Variants in PCDHGA1 observed in about 807,000 individuals in gnomAD.
The protein encoded by PCDHGA1 is protocadherin gamma subfamily A, 1.
In PCDHGA1, 32 loss-of-function variants were observed where a neutral mutation model predicts 58.0. The ratio of observed to expected loss-of-function variants is 0.55; its 90% CI spans 0.42 to 0.74. PCDHGA1 has a LOEUF of 0.74. PCDHGA1 is among the 30% of genes least tolerant of loss of function. The pLI is 0.00. For synonymous variants in PCDHGA1, 498 were observed against 501.1 expected, an observed-to-expected ratio of 0.99 and a Z score of 0.08; for missense variants, 1,205 against 1,182.3, an observed-to-expected ratio of 1.02 and a Z score of -0.28.
intron 1 of PCDHGA1, chr5:141,478,676 G>A (rs540780497): frequency 6.4e-7 from 1 of 1,551,522 alleles, no homozygotes; most frequent in African/African-American, 1.4e-5. Flanking sequence ...CTTTCAACTG[G>A]CCCTTCCTAG....
chr5:141,454,796 ATTTTTTTTTTTTTTTTTT>A (rs61612330), intron 1 of PCDHGA1, among the ~76,000 whole-genome samples: 1 of 77,408 alleles, frequency 1.3e-5, no homozygotes, highest in Non-Finnish European at 2.3e-5. Flanking sequence ...CATGGTTCTA[ATTTTTTTTTTTTTTTTTT>A]TTTTTTTTTT....
Position 141,420,249 on chromosome 5 carries a change from A to C in PCDHGA1, c.2422-74558A>C. 4 of 1,580,072 alleles carry C rather than the reference A, an allele frequency of 2.5e-6. No homozygotes were observed. In the Admixed American group the frequency reaches 7.3e-5, roughly 29 times the overall value. On this transcript the variant is annotated intron_variant, in intron 1 of 3. Transcript: ENST00000517417. The stretch of plus-strand genomic sequence containing the variant: ...GCTAGCATTTTAACTCCCAGCGTTG[A>C]AGCAGATAAGAAGATTCTTAAACAG...
In PCDHGA1 at chr5:141,361,046, A is replaced by T. The variant is rs779477758; in HGVS notation, c.2421+27941A>T. ...GAAAAAACAGGAGAAATCACGACAA[A>T]GGATGATTTGGATTTTGAGATTGCA... On this transcript the variant is annotated intron_variant, in intron 1 of 3. Transcript: ENST00000517417. The T allele has an allele frequency of 7.4e-6, 12 of 1,613,592 alleles. No individual in the cohort carries two copies. The highest frequency in any genetic ancestry group is 9.3e-6 in the Non-Finnish European group (11 of 1,179,716).
Position 141,511,345 on chromosome 5 carries a change from TC to T in PCDHGA1, c.*179del, listed in dbSNP as rs535135679. On this transcript the variant is annotated 3_prime_UTR_variant, in exon 4 of 4. Coordinates refer to ENST00000517417, the MANE Select transcript of PCDHGA1 (RefSeq NM_018912.3). ...AAGTGCCCAGTCAGCACCTACCCCTTCCCCCCCAGGGGGTTGAATATGCAAA... is the reference window on the plus strand; with the variant it reads ...AAGTGCCCAGTCAGCACCTACCCCTTCCCCCCAGGGGGTTGAATATGCAAA... The T allele has an allele frequency of 2.2e-5, 31 of 1,410,342 alleles. No individual in the cohort carries two copies. Among genetic ancestry groups the T allele is most frequent in the South Asian group, 2.9e-5 (2 of 68,200 alleles). 87.4% of individuals were successfully genotyped at this position (1,410,342 alleles called of 1,614,324 possible). A position where few individuals can be genotyped will look rare whatever the true frequency, so the allele number is the denominator to read the frequency against.
At chr5:141,360,893 A>G in intron 1 of PCDHGA1, 1 of 1,614,046 alleles carries the variant, frequency 6.2e-7, no homozygotes, top group Non-Finnish European at 8.5e-7. Flanking sequence ...ACCCTGAGGG[A>G]GGACGTGCCG....
At chr5:141,345,623 A>C (rs759614857) in intron 1 of PCDHGA1, 1 of 1,614,150 alleles carries the variant, frequency 6.2e-7, no homozygotes, top group South Asian at 1.1e-5. Flanking sequence ...ACTTAAAGCT[A>C]CTGGTGACAG....
intron 1 of PCDHGA1, chr5:141,352,641 T>C: frequency 6.2e-7 from 1 of 1,608,010 alleles, no homozygotes; most frequent in Non-Finnish European, 8.5e-7. Flanking sequence ...GATCACAAAA[T>C]CGCTTATGAC....
At chr5:141,415,447 T>C in intron 1 of PCDHGA1, 1 of 1,614,200 alleles carries the variant, frequency 6.2e-7, no homozygotes, top group South Asian at 1.1e-5. Context: ...GCAGACCTAT[T>C]CCCACGAGGT....
Position 141,362,398 on chromosome 5 carries a change from T to C in PCDHGA1, c.2421+29293T>C, listed in dbSNP as rs748697747. 16 of 1,613,926 alleles carry C rather than the reference T, an allele frequency of 9.9e-6. No individual in the cohort carries two copies. Among genetic ancestry groups the C allele is most frequent in the Admixed American group, 5.0e-5 (3 of 60,014 alleles). ...TACATTGCCCTATTCCTACAACCTG[T>C]GTGTTGCCTCACAATCAGCCAAGAC... On this transcript the variant is annotated intron_variant, in intron 1 of 3. Coordinates refer to ENST00000517417, the MANE Select transcript of PCDHGA1 (RefSeq NM_018912.3).
chr5:141,492,230 C>T (rs1286145654), intron 1 of PCDHGA1, among the ~76,000 whole-genome samples: 1 of 152,196 alleles, frequency 6.6e-6, no homozygotes. Flanking sequence ...CGTGTCCTCC[C>T]TGCTGGCCAC....
chr5:141,393,622 A>C (rs776047060), intron 1 of PCDHGA1: 1 of 1,613,960 alleles, frequency 6.2e-7, no homozygotes, highest in Admixed American at 1.7e-5. Context: ...AGCGACCCGG[A>C]TGAGGGAATC....
chr5:141,414,789 C>T, intron 1 of PCDHGA1: 1 of 1,614,218 alleles, frequency 6.2e-7, no homozygotes, highest in East Asian at 2.2e-5. Context: ...AGGTGACAGC[C>T]AGCGACAGCG....
At chr5:141,398,942 G>A (rs748252181) in intron 1 of PCDHGA1, 2 of 1,613,884 alleles carry the variant, frequency 1.2e-6, no homozygotes, top group South Asian at 1.1e-5. Context: ...CAAGACGAGG[G>A]CATCAACTCA....
Position 141,491,793 on chromosome 5 carries a change from C to A in PCDHGA1, c.2422-3014C>A. 6.6e-7 allele frequency: 1 copy of A among 1,511,410 alleles called. No homozygotes were observed. The highest frequency in any genetic ancestry group is 1.3e-5 in the South Asian group (1 of 77,572). The allele number at this position is 1,511,410 out of a possible 1,614,324, so 93.6% of individuals were successfully genotyped here. On this transcript the variant is annotated intron_variant, in intron 1 of 3. Coordinates refer to ENST00000517417, the MANE Select transcript of PCDHGA1 (RefSeq NM_018912.3). This position sits in a 1 kb window ranked among gnomAD's most constrained non-coding sequence, Gnocchi z 6.9. ...AGGGATTGAACTTGCATCCACTCCT[C>A]TCCGGCCGGCTTGGTCGCTGGCTGC...
intron 1 of PCDHGA1, chr5:141,475,832 T>C: frequency 2.4e-6 from 1 of 410,610 alleles, no homozygotes; most frequent in Non-Finnish European, 4.4e-6. Flanking sequence ...CTAGCGCGTG[T>C]CCTGCTCAGA....
Position 141,409,090 on chromosome 5 carries a change from G to C in PCDHGA1, c.2421+75985G>C, listed in dbSNP as rs181368417. 9.9e-5 allele frequency: 159 copies of C among 1,614,024 alleles called. No individual in the cohort carries two copies. The African/African-American group carries it at 1.9e-3, about 19-fold the overall frequency. On this transcript the variant is annotated intron_variant, in intron 1 of 3. Transcript: ENST00000517417. ...CAAAACATATGTTCTCATTGGATGA[G>C]AAAACAGGTATGATTAAGAATAACC...
intron 1 of PCDHGA1, chr5:141,376,559 C>A (rs758448085): frequency 2.3e-5 from 37 of 1,609,380 alleles, no homozygotes; most frequent in Admixed American, 6.7e-5. Flanking sequence ...TCCCGCAACC[C>A]AACTAATCAG....
chr5:141,363,088 T>C (rs1762804335), intron 1 of PCDHGA1, among the ~76,000 whole-genome samples: 1 of 152,248 alleles, frequency 6.6e-6, no homozygotes, highest in Non-Finnish European at 1.5e-5. Context: ...AATGTATTTC[T>C]AAAGGACAGG....
chr5:141,428,513 AAAG>A (rs891793310), intron 1 of PCDHGA1: 2 of 280,938 alleles, frequency 7.1e-6, no homozygotes, highest in Non-Finnish European at 1.4e-5. Context: ...GATTCTAGAA[AAAG>A]AAGATTTAAT....
Sources: gnomAD v4.1 joint callset for allele counts (sites outside exome capture counted in the v4.1 genomes callset) on GRCh38, gnomAD v4.1.1 for gene constraint, Gnocchi (gnomAD v3.1) non-coding constraint, MANE v1.5 for transcripts, NCBI Gene and HGNC (gene_info 2026-07-23, HGNC 2026-07-21) for gene names.